Variants in SPAG16 observed in about 807,000 individuals in gnomAD.
The protein encoded by SPAG16 is sperm-associated antigen 16 protein.
SPAG16 carries 86 observed loss-of-function variants against 80.4 expected under a neutral mutation model. That is an observed-to-expected ratio of 1.07 (90% CI 0.90 to 1.28). The LOEUF (loss-of-function observed/expected upper bound fraction) is 1.28. SPAG16 is among the 50% of genes most tolerant of loss of function. The pLI is 0.00. For missense variants in SPAG16, 870 were observed against 765.3 expected (o/e 1.14, Z -1.61); for synonymous variants, 294 against 265.9 (o/e 1.11, Z -1.03).
intron 15 of SPAG16, among the ~76,000 whole-genome samples, chr2:214,278,806 A>G (rs190900167): frequency 1.2e-4 from 19 of 152,322 alleles, no homozygotes; most frequent in Non-Finnish European, 2.8e-4. Flanking sequence ...TTGTGTTTCA[A>G]CCTAAAAGAA....
intron 10 of SPAG16, among the ~76,000 whole-genome samples, chr2:213,732,828 C>T (rs1044794135): frequency 6.6e-6 from 1 of 152,120 alleles, no homozygotes; most frequent in Admixed American, 6.5e-5. Context: ...AATAGTGCTG[C>T]AGTGAACATA....
intron 10 of SPAG16, among the ~76,000 whole-genome samples, chr2:213,644,404 G>C (rs552022615): frequency 6.6e-6 from 1 of 152,176 alleles, no homozygotes; most frequent in Admixed American, 6.5e-5. Context: ...GTTGATGCTA[G>C]TAGACATTCT....
intron 13 of SPAG16, 136 bp downstream of exon 13, chr2:214,014,213 A>C (rs2047471172): frequency 9.1e-7 from 1 of 1,099,672 alleles, no homozygotes; most frequent in South Asian, 1.7e-5. Context: ...AAAGTTCATA[A>C]TTACAAGATC....
At chr2:214,065,639 A>G (rs1235991426) in intron 13 of SPAG16, among the ~76,000 whole-genome samples, 1 of 152,198 alleles carries the variant, frequency 6.6e-6, no homozygotes, top group Non-Finnish European at 1.5e-5. Flanking sequence ...TGCCTACTTT[A>G]CAGATTACCA....
At chr2:214,384,190 T>C (rs116332067) in intron 15 of SPAG16, among the ~76,000 whole-genome samples, 3,438 of 152,336 alleles carry the variant, frequency 0.023, 69 homozygotes, top group Non-Finnish European at 0.033. Flanking sequence ...ACTGAAGATA[T>C]TGGAGTTGTC....
intron 5 of SPAG16, among the ~76,000 whole-genome samples, chr2:213,335,017 C>T (rs1315990888): frequency 3.3e-5 from 5 of 152,172 alleles, no homozygotes; most frequent in Admixed American, 1.3e-4. Flanking sequence ...GATTATTACA[C>T]ATGCATGCCT....
intron 15 of SPAG16, among the ~76,000 whole-genome samples, chr2:214,366,472 C>T (rs79311344): frequency 7.3e-4 from 111 of 152,196 alleles, no homozygotes; most frequent in Middle Eastern, 6.8e-3. Context: ...GATTACTCAA[C>T]GCAGTGTAAA....
chr2:213,557,152 T>C (rs911887107), intron 10 of SPAG16, among the ~76,000 whole-genome samples: 6 of 152,142 alleles, frequency 3.9e-5, no homozygotes, highest in Non-Finnish European at 1.5e-5. Context: ...TAATGGACCA[T>C]GTCAGACAAG....
rs577134786 is a variant in SPAG16, at chr2:214,254,398, T to C, written c.1720+105132T>C. ...AGGGAATGCTTCCAGTTTTTGCCCA[T>C]TTAGTATGACATTGGCTATGGGTTT... On this transcript the variant is annotated intron_variant, in intron 15 of 15. Transcript: ENST00000331683. Among the ~76,000 whole-genome samples, 5 of 152,294 alleles carry C rather than the reference T, an allele frequency of 3.3e-5. No homozygotes were observed. The South Asian group carries it at 1.0e-3, about 32-fold the overall frequency.
At chr2:213,563,789 G>A (rs1037055232) in intron 10 of SPAG16, among the ~76,000 whole-genome samples, 3 of 152,210 alleles carry the variant, frequency 2.0e-5, no homozygotes, top group African/African-American at 7.2e-5. Context: ...CTTCCTCAGT[G>A]CTTATTGTTT....
At chr2:213,562,098 A>C (rs1178699571) in intron 10 of SPAG16, among the ~76,000 whole-genome samples, 1 of 152,248 alleles carries the variant, frequency 6.6e-6, no homozygotes, top group African/African-American at 2.4e-5. Flanking sequence ...TAGATTGGTA[A>C]TACCAATGGC....
At chr2:213,334,409 T>C (rs2064251539) in intron 5 of SPAG16, among the ~76,000 whole-genome samples, 1 of 152,124 alleles carries the variant, frequency 6.6e-6, no homozygotes, top group African/African-American at 2.4e-5. Flanking sequence ...TCCTCAAAAA[T>C]CTAAAAATAG....
chr2:213,888,444 C>T (rs1478974097), intron 11 of SPAG16, among the ~76,000 whole-genome samples: 2 of 151,748 alleles, frequency 1.3e-5, no homozygotes, highest in Non-Finnish European at 3.0e-5. Flanking sequence ...AATAACTCAA[C>T]TGAGGTTATT....
chr2:213,646,074 C>G (rs975421156), intron 10 of SPAG16, among the ~76,000 whole-genome samples: 11 of 152,174 alleles, frequency 7.2e-5, no homozygotes, highest in South Asian at 6.2e-4. Flanking sequence ...GTGCTCTCCC[C>G]ACTACTCTGC....
At chr2:213,674,940 G>A (rs4499374) in intron 10 of SPAG16, among the ~76,000 whole-genome samples, 46,430 of 147,742 alleles carry the variant, frequency 0.31, 7,472 homozygotes, top group Middle Eastern at 0.41. Flanking sequence ...TCTAGTTCTA[G>A]ATCCCTGAGG....
chr2:213,637,757 C>T (rs1183623209), intron 10 of SPAG16, among the ~76,000 whole-genome samples: 1 of 151,766 alleles, frequency 6.6e-6, no homozygotes, highest in East Asian at 1.9e-4. Flanking sequence ...CTTGAATGAC[C>T]TTTTGTATTT....
At chr2:214,212,425 A>G (rs1254894648) in intron 15 of SPAG16, among the ~76,000 whole-genome samples, 3 of 151,800 alleles carry the variant, frequency 2.0e-5, no homozygotes, top group East Asian at 1.9e-4. Flanking sequence ...GCATCCATCA[A>G]TCTCTTTGCT....
At chr2:214,184,304 A>G (rs560986151) in intron 15 of SPAG16, among the ~76,000 whole-genome samples, 1 of 152,190 alleles carries the variant, frequency 6.6e-6, no homozygotes, top group Non-Finnish European at 1.5e-5. Context: ...TATTTTTGTC[A>G]TATAAATGTA....
At chr2:213,872,634 A>G (rs1020616319) in intron 11 of SPAG16, among the ~76,000 whole-genome samples, 3 of 152,136 alleles carry the variant, frequency 2.0e-5, no homozygotes, top group Non-Finnish European at 4.4e-5. Context: ...GTTGAAAAGA[A>G]GTGACAAATG....
Sources: gnomAD v4.1 joint callset for allele counts (sites outside exome capture counted in the v4.1 genomes callset) on GRCh38, gnomAD v4.1.1 for gene constraint, MANE v1.5 for transcripts, NCBI Gene and HGNC (gene_info 2026-07-23, HGNC 2026-07-21) for gene names.